Variants in INTS4 observed in about 807,000 individuals in gnomAD.
INTS4 encodes the protein MSTP093.
INTS4 carries 70 observed loss-of-function variants against 119.5 expected under a neutral mutation model. That is an observed-to-expected ratio of 0.59 (90% confidence interval 0.48 to 0.71). The LOEUF is 0.71. INTS4 is among the 30% of genes least tolerant of loss of function. The probability of loss-of-function intolerance (pLI) is 0.00; values close to 1 mark genes in which losing one functional copy is unlikely to be tolerated. For missense variants in INTS4, 867 were observed against 1,173.2 expected (o/e 0.74, Z 3.81); for synonymous variants, 316 against 419.6 (o/e 0.75, Z 3.02).
downstream of INTS4, among the ~76,000 whole-genome samples, chr11:77,878,023 A>T (rs1158052507): frequency 6.6e-6 from 1 of 152,134 alleles, no homozygotes. Context: ...TATATTATTT[A>T]TTTAAAGCCA....
chr11:77,922,847 C>T (rs1953396486), intron 12 of INTS4: 1 of 299,434 alleles, frequency 3.3e-6, no homozygotes, highest in Non-Finnish European at 6.4e-6. Context: ...TCCCATTTTC[C>T]AGTGACTGGT....
chr11:77,910,795 T>C (rs1251957875), intron 15 of INTS4, among the ~76,000 whole-genome samples: 1 of 151,976 alleles, frequency 6.6e-6, no homozygotes, highest in African/African-American at 2.4e-5. Flanking sequence ...TTTTGAGATA[T>C]GCCATGCATT....
intron 1 of INTS4, 29 bp from the exon 2 acceptor site, chr11:77,991,328 C>A (rs774166611): frequency 6.4e-7 from 1 of 1,558,582 alleles, no homozygotes; most frequent in African/African-American, 1.4e-5. Context: ...ATCGAAAACA[C>A]AGAATCTGCA....
At chr11:77,895,563 A>C in intron 18 of INTS4, among the ~76,000 whole-genome samples, 1 of 133,962 alleles carries the variant, frequency 7.5e-6, no homozygotes, top group African/African-American at 2.8e-5. Context: ...AAAAAGTAGC[A>C]CTTGAAAGTT....
At chr11:77,982,136 CTTT>C (rs777434800) in intron 2 of INTS4, among the ~76,000 whole-genome samples, 12 of 131,308 alleles carry the variant, frequency 9.1e-5, no homozygotes, top group Non-Finnish European at 1.1e-4. Flanking sequence ...TTCTACCTGT[CTTT>C]TTTTTTTTTT....
intron 4 of INTS4, among the ~76,000 whole-genome samples, chr11:77,964,528 C>G (rs905386883): frequency 1.3e-5 from 2 of 151,630 alleles, no homozygotes; most frequent in East Asian, 3.9e-4. Context: ...GAGCCGAGAT[C>G]GCGCCACTGC....
chr11:77,885,154 T>A (rs1247430297), intron 21 of INTS4, among the ~76,000 whole-genome samples: 1 of 152,078 alleles, frequency 6.6e-6, no homozygotes, highest in Non-Finnish European at 1.5e-5. Flanking sequence ...CTCGGCTCAC[T>A]GCAACCTCCG....
At chr11:77,950,159 T>A (rs139611959) in intron 8 of INTS4, among the ~76,000 whole-genome samples, 1 of 151,308 alleles carries the variant, frequency 6.6e-6, no homozygotes, top group African/African-American at 2.4e-5. Flanking sequence ...TAAGTGAGAG[T>A]TGAACAATGT....
chr11:77,880,338 G>T (rs1590992085), intron 22 of INTS4, among the ~76,000 whole-genome samples: 1 of 152,140 alleles, frequency 6.6e-6, no homozygotes, highest in Admixed American at 6.6e-5. Flanking sequence ...CTGTCCTCCA[G>T]GAAGGGAAAG....
At position 77,956,021 on chromosome 11, in the gene INTS4, A is replaced by G. The variant is rs1333641851; in HGVS notation, c.839T>C (p.Val280Ala). ...ACAAATTTTGCCAAACGCATCATCA[A>G]CTAAGCGTATTTCTTCATTAGAAGA... ...IPSSNEEIRLVDDAFGKICHM... is the reference protein window; with the variant it reads ...IPSSNEEIRLADDAFGKICHM... The change falls in exon 8 of 23, where the codon GTT becomes GCT. Residue 280 changes from valine (V) to alanine (A), a missense_variant. Val to Ala is a moderately conservative substitution (Grantham distance 64, BLOSUM62 0). Transcript: ENST00000534064. 3.7e-6 allele frequency: 6 copies of G among 1,608,160 alleles called. No individual in the cohort carries two copies. Among genetic ancestry groups the G allele is most frequent in the East Asian group, 2.2e-5 (1 of 44,882 alleles).
At chr11:77,889,678 A>G (rs1020068720) in intron 21 of INTS4, among the ~76,000 whole-genome samples, 9 of 152,200 alleles carry the variant, frequency 5.9e-5, no homozygotes, top group Admixed American at 2.0e-4. Flanking sequence ...CTATATCTCT[A>G]TTGAGCACCT....
chr11:77,916,443 A>G (rs1953206413), intron 15 of INTS4, among the ~76,000 whole-genome samples: 1 of 152,244 alleles, frequency 6.6e-6, no homozygotes, highest in Non-Finnish European at 1.5e-5. Context: ...ATGGTAAACA[A>G]TGGTAAATAT....
At chr11:77,885,399 T>A (rs1273203868) in intron 21 of INTS4, among the ~76,000 whole-genome samples, 1 of 152,070 alleles carries the variant, frequency 6.6e-6, no homozygotes. Context: ...TTAAAGCTGC[T>A]ACTCCCCACT....
At chr11:77,921,854 A>T (rs1045154214) in intron 13 of INTS4, among the ~76,000 whole-genome samples, 4 of 152,080 alleles carry the variant, frequency 2.6e-5, no homozygotes, top group African/African-American at 9.7e-5. Context: ...AACAAGGTAA[A>T]ACCCCGTCTC....
chr11:77,888,026 C>A (rs1004275685), intron 21 of INTS4, among the ~76,000 whole-genome samples: 2 of 152,146 alleles, frequency 1.3e-5, no homozygotes. Flanking sequence ...TCAATGCCAT[C>A]CCCATCAAGC....
At position 77,991,164 on chromosome 11, in the gene INTS4, C is replaced by A. The variant is rs1381055608; in HGVS notation, c.190G>T (p.Val64Phe). The change falls in exon 2 of 23, where the codon GTC becomes TTC. Residue 64 changes from valine to phenylalanine, a missense_variant. Physicochemically the swap from Val to Phe is conservative, Grantham distance 50. Coordinates refer to ENST00000534064, the MANE Select transcript of INTS4 (RefSeq NM_033547.4). Reference sequence around the variant, plus strand: ...ACTCCCTCTACGCTTTCCGCCTCGACAGGCTTCCTGGCAAACTGGAGCAAG... The same window carrying A: ...ACTCCCTCTACGCTTTCCGCCTCGAAAGGCTTCCTGGCAAACTGGAGCAAG... ...QYLLQFARKP[V>F]EAESVEGVVR... 1.2e-6 allele frequency: 2 copies of A among 1,614,198 alleles called. No individual in the cohort carries two copies. The highest frequency in any genetic ancestry group is 4.5e-5 in the East Asian group (2 of 44,886).
chr11:77,949,533 A>C (rs1954135476), intron 8 of INTS4, among the ~76,000 whole-genome samples: 1 of 151,676 alleles, frequency 6.6e-6, no homozygotes, highest in African/African-American at 2.4e-5. Context: ...AAAAAAAAAA[A>C]AAACCATCAA....
chr11:77,989,815 A>G (rs1476350016), intron 2 of INTS4, among the ~76,000 whole-genome samples: 2 of 151,974 alleles, frequency 1.3e-5, no homozygotes, highest in Admixed American at 6.6e-5. Flanking sequence ...AGGAGGATCA[A>G]TTGAGCCTCG....
chr11:77,891,090 C>T (rs1591013722), intron 21 of INTS4, among the ~76,000 whole-genome samples: 1 of 152,306 alleles, frequency 6.6e-6, no homozygotes, highest in East Asian at 1.9e-4. Context: ...TTTATGTCAA[C>T]TCCTCCTATT....
Sources: gnomAD v4.1 joint callset for allele counts (sites outside exome capture counted in the v4.1 genomes callset) on GRCh38, gnomAD v4.1.1 for gene constraint, MANE v1.5 for transcripts, NCBI Gene and HGNC (gene_info 2026-07-23, HGNC 2026-07-21) for gene names.